Variants in CTIF observed in about 807,000 individuals in gnomAD.
CTIF encodes the protein cap binding complex dependent translation initiation factor.
A neutral mutation model predicts 66.0 loss-of-function variants in CTIF; 21 were observed. That is an observed-to-expected ratio of 0.32 (90% confidence interval 0.23 to 0.46). CTIF has a LOEUF of 0.46. Among genes scored for constraint, CTIF ranks in the 20% least tolerant of loss-of-function variants. CTIF has a pLI of 1.00. For missense variants in CTIF, 739 were observed against 812.7 expected (o/e 0.91, Z 1.10); for synonymous variants, 345 against 326.4 (o/e 1.06, Z -0.62).
intron 9 of CTIF, among the ~76,000 whole-genome samples, chr18:48,812,517 G>A (rs2068279009): frequency 6.6e-6 from 1 of 152,048 alleles, no homozygotes; most frequent in Non-Finnish European, 1.5e-5. Flanking sequence ...CTTCGTAGCT[G>A]TTTTTAAATT....
chr18:48,643,257 A>T (rs754138501), intron 3 of CTIF, among the ~76,000 whole-genome samples: 7 of 152,260 alleles, frequency 4.6e-5, no homozygotes, highest in Admixed American at 2.0e-4. Flanking sequence ...ACATTTATTT[A>T]ACATGTATAC....
At chr18:48,812,753 CA>C (rs751864883) in intron 9 of CTIF, among the ~76,000 whole-genome samples, 2,143 of 67,650 alleles carry the variant, frequency 0.032, 32 homozygotes, top group African/African-American at 0.077. Flanking sequence ...GACCCTGTCT[CA>C]AAAAAAAAAA....
At chr18:48,590,657 C>T (rs2089868501) in intron 1 of CTIF, among the ~76,000 whole-genome samples, 1 of 152,190 alleles carries the variant, frequency 6.6e-6, no homozygotes, top group African/African-American at 2.4e-5. Flanking sequence ...GGGTGGGACT[C>T]CCTCCAGGCA....
At chr18:48,728,509 C>T (rs1370518721) in intron 7 of CTIF, among the ~76,000 whole-genome samples, 2 of 152,196 alleles carry the variant, frequency 1.3e-5, no homozygotes, top group Non-Finnish European at 2.9e-5. Context: ...GGAGTTCTGG[C>T]TCAGGGTCTC....
At chr18:48,540,724 CG>C (rs2088590137) in intron 1 of CTIF, among the ~76,000 whole-genome samples, 1 of 151,922 alleles carries the variant, frequency 6.6e-6, no homozygotes, top group African/African-American at 2.4e-5. Flanking sequence ...CACACGGCTC[CG>C]GTGTGTGTGG....
At chr18:48,618,071 G>T (rs1181861994) in intron 1 of CTIF, among the ~76,000 whole-genome samples, 5 of 152,342 alleles carry the variant, frequency 3.3e-5, no homozygotes, top group African/African-American at 1.2e-4. Context: ...AGGCAGTGAG[G>T]GTGTGGGAGA....
chr18:48,585,534 A>G (rs960700947), intron 1 of CTIF, among the ~76,000 whole-genome samples: 15 of 152,154 alleles, frequency 9.9e-5, no homozygotes, highest in African/African-American at 3.4e-4. Context: ...CACCCACACC[A>G]TCCACACACT....
chr18:48,806,584 G>A (rs764684559), intron 9 of CTIF, among the ~76,000 whole-genome samples: 1 of 152,194 alleles, frequency 6.6e-6, no homozygotes, highest in African/African-American at 2.4e-5. Context: ...CCCTCAGGAA[G>A]TGTAAAAAAT....
intron 6 of CTIF, among the ~76,000 whole-genome samples, chr18:48,689,251 G>A (rs1382754361): frequency 3.9e-5 from 6 of 152,206 alleles, no homozygotes; most frequent in South Asian, 2.1e-4. Context: ...GCCACATGGC[G>A]ACTTTTTGCA....
At chr18:48,669,793 T>TTATATTTATA (rs2091494659) in intron 5 of CTIF, among the ~76,000 whole-genome samples, 1 of 47,252 alleles carries the variant, frequency 2.1e-5, no homozygotes, top group African/African-American at 8.4e-5. Flanking sequence ...AGCTAAACAT[T>TTATATTTATA]TATATATATA....
At chr18:48,792,110 G>A (rs1198123930) in intron 9 of CTIF, among the ~76,000 whole-genome samples, 1 of 152,236 alleles carries the variant, frequency 6.6e-6, no homozygotes, top group Non-Finnish European at 1.5e-5. Context: ...GGAGAAGGAA[G>A]CAGGGCATGT....
At chr18:48,786,943 A>T (rs1911763502) in intron 9 of CTIF, among the ~76,000 whole-genome samples, 1 of 149,108 alleles carries the variant, frequency 6.7e-6, no homozygotes, top group African/African-American at 2.5e-5. Flanking sequence ...TCACCCCACC[A>T]TGGCAGTAAA....
At chr18:48,543,877 T>C (rs1359165410) in intron 1 of CTIF, among the ~76,000 whole-genome samples, 1 of 152,218 alleles carries the variant, frequency 6.6e-6, no homozygotes, top group African/African-American at 2.4e-5. Flanking sequence ...CTGAAATTCA[T>C]TTGACTTCTC....
chr18:48,541,000 G>A lies in CTIF; in HGVS notation c.-29+1688G>A, dbSNP rs577826333. Among the ~76,000 whole-genome samples, 4 of 152,278 alleles carry A rather than the reference G, an allele frequency of 2.6e-5. No homozygotes were observed. The South Asian group carries it at 8.3e-4, about 32-fold the overall frequency. The stretch of plus-strand genomic sequence containing the variant: ...CCTCCCTCCGCGTCCGCGACGCCCC[G>A]TGACCCGGCAGACTGGGGGTCCACC... On this transcript the variant is annotated intron_variant, in intron 1 of 11. Transcript: ENST00000256413.
chr18:48,824,023 G>A (rs1452293928), intron 10 of CTIF, among the ~76,000 whole-genome samples: 1 of 134,278 alleles, frequency 7.4e-6, no homozygotes, highest in Non-Finnish European at 1.6e-5. Context: ...CAAACTGCTA[G>A]AACTAATAAA....
chr18:48,801,913 C>T (rs185397341), intron 9 of CTIF, among the ~76,000 whole-genome samples: 1 of 152,322 alleles, frequency 6.6e-6, no homozygotes, highest in East Asian at 1.9e-4. Context: ...GCTCCCAGTT[C>T]CTCCCACAGG....
At chr18:48,785,778 A>G (rs1911647407) in intron 9 of CTIF, among the ~76,000 whole-genome samples, 1 of 152,150 alleles carries the variant, frequency 6.6e-6, no homozygotes, top group African/African-American at 2.4e-5. Context: ...GCTTGGCTGC[A>G]CCTGGGGAGA....
At chr18:48,573,032 C>T (rs2089450723) in intron 1 of CTIF, among the ~76,000 whole-genome samples, 1 of 151,938 alleles carries the variant, frequency 6.6e-6, no homozygotes, top group Admixed American at 6.6e-5. Flanking sequence ...GCATTTTCAG[C>T]TCAGAGAACT....
chr18:48,766,565 G>A (rs574451364), intron 9 of CTIF, among the ~76,000 whole-genome samples: 106 of 152,338 alleles, frequency 7.0e-4, no homozygotes, highest in Middle Eastern at 3.4e-3. Context: ...CTCCAAGGAC[G>A]CAACCTGGGC....
Sources: allele counts gnomAD v4.1 joint callset (sites outside exome capture counted in the v4.1 genomes callset), GRCh38; gene constraint gnomAD v4.1.1; transcripts MANE v1.5; gene names NCBI Gene and HGNC (gene_info 2026-07-23, HGNC 2026-07-21).